The following KCNH5 variants were observed in gnomAD, a reference collection of about 807,000 sequenced individuals.
KCNH5 encodes potassium voltage-gated channel subfamily H member 5.
KCNH5 carries 46 observed loss-of-function variants against 96.1 expected under a neutral mutation model. That is an observed-to-expected ratio of 0.48 (90% CI 0.38 to 0.61). The LOEUF (loss-of-function observed/expected upper bound fraction) is 0.61, where lower values mean the gene tolerates loss of function less well. Among genes scored for constraint, KCNH5 ranks in the 20% least tolerant of loss-of-function variants. The pLI is 0.00. For synonymous variants in KCNH5, 439 were observed against 449.8 expected (o/e 0.98, Z 0.30); for missense variants, 907 against 1,225.8 (o/e 0.74, Z 3.88).
At chr14:62,792,652 T>A (rs1309515580) in intron 9 of KCNH5, among the ~76,000 whole-genome samples, 3 of 151,666 alleles carry the variant, frequency 2.0e-5, no homozygotes, top group African/African-American at 4.8e-5. Context: ...ACGATATCGT[T>A]CATATTATAA....
At chr14:62,840,099 A>G (rs1054648642) in intron 8 of KCNH5, among the ~76,000 whole-genome samples, 1 of 152,290 alleles carries the variant, frequency 6.6e-6, no homozygotes, top group Middle Eastern at 3.4e-3. Flanking sequence ...TTATCACTCT[A>G]TAGCAAGGAC....
At chr14:62,921,414 A>G (rs1201232234) in intron 7 of KCNH5, among the ~76,000 whole-genome samples, 1 of 152,132 alleles carries the variant, frequency 6.6e-6, no homozygotes, top group African/African-American at 2.4e-5. Flanking sequence ...CTGAATGCAT[A>G]ATGTCTAACA....
At chr14:62,933,752 A>G (rs554617522) in intron 7 of KCNH5, among the ~76,000 whole-genome samples, 20 of 152,318 alleles carry the variant, frequency 1.3e-4, no homozygotes, top group African/African-American at 4.8e-4. Flanking sequence ...GGTTCTTTAA[A>G]CTACATGTAT....
At chr14:62,752,257 A>G (rs1423251310) in intron 10 of KCNH5, among the ~76,000 whole-genome samples, 1 of 152,078 alleles carries the variant, frequency 6.6e-6, no homozygotes, top group Non-Finnish European at 1.5e-5. Flanking sequence ...CTTCCACTGT[A>G]CAACACAGAG....
chr14:63,014,124 T>C (rs1891280244), intron 2 of KCNH5, among the ~76,000 whole-genome samples: 1 of 152,132 alleles, frequency 6.6e-6, no homozygotes, highest in African/African-American at 2.4e-5. Context: ...ATTAAGAACA[T>C]GATCATTTGA....
At position 62,704,182 on chromosome 14, in the gene KCNH5, C is replaced by T. The variant is rs551048785; in HGVS notation, c.*3326G>A. On this transcript the variant is annotated 3_prime_UTR_variant, in exon 11 of 11. Coordinates refer to ENST00000322893, the MANE Select transcript of KCNH5 (RefSeq NM_139318.5). ...CATTTTTTCTAGAGCAATTTCAAAC[C>T]CCAGATTTTCCATTTTTTTCTCTGA... 5 of 151,642 alleles carry T rather than the reference C, an allele frequency of 3.3e-5. No individual in the cohort carries two copies. The highest frequency in any genetic ancestry group is 2.1e-4 in the South Asian group (1 of 4,808). The allele number at this position is 151,642 out of a possible 1,614,324, so 9.4% of individuals were successfully genotyped here. A position where few individuals can be genotyped will look rare whatever the true frequency, so the allele number is the denominator to read the frequency against.
intron 7 of KCNH5, among the ~76,000 whole-genome samples, chr14:62,926,418 G>A (rs1248581568): frequency 7.3e-5 from 11 of 151,604 alleles, no homozygotes; most frequent in East Asian, 1.9e-4. Context: ...GCACACACAC[G>A]CACACACACA....
In KCNH5 at chr14:62,997,110, G is replaced by T. The variant is rs114603394; in HGVS notation, c.433+4221C>A. ...ATATGAGATGTTTTGATACAGGCAC[G>T]CAATGCGTTAATAGTCACATCATGG... On this transcript the variant is annotated intron_variant, in intron 4 of 10. Coordinates refer to ENST00000322893, the MANE Select transcript of KCNH5 (RefSeq NM_139318.5). Among the ~76,000 whole-genome samples, 981 of 152,208 alleles carry T rather than the reference G, an allele frequency of 6.4e-3. 9 individuals are homozygous for T. Among genetic ancestry groups the T allele is most frequent in the African/African-American group, 0.022 (918 of 41,534 alleles).
chr14:62,754,544 A>G (rs1315600192), intron 10 of KCNH5, among the ~76,000 whole-genome samples: 4 of 152,060 alleles, frequency 2.6e-5, no homozygotes, highest in East Asian at 3.9e-4. Context: ...ACTAAAAATA[A>G]GGGATAGAAA....
At chr14:62,884,661 T>C (rs372373624) in intron 7 of KCNH5, among the ~76,000 whole-genome samples, 1 of 152,140 alleles carries the variant, frequency 6.6e-6, no homozygotes, top group Admixed American at 6.6e-5. Context: ...AGTCTTTCCA[T>C]GTATACAGCT....
chr14:62,727,319 C>G (rs756002196), intron 10 of KCNH5, among the ~76,000 whole-genome samples: 1 of 151,984 alleles, frequency 6.6e-6, no homozygotes, highest in Non-Finnish European at 1.5e-5. Context: ...GAGCCGAGAT[C>G]ACGCCACTGC....
intron 7 of KCNH5, among the ~76,000 whole-genome samples, chr14:62,855,683 G>A (rs894535053): frequency 6.6e-6 from 1 of 152,096 alleles, no homozygotes; most frequent in Admixed American, 6.5e-5. Flanking sequence ...ATACTCTGAA[G>A]AACAATTTTT....
At chr14:62,843,406 A>G (rs993112620) in intron 8 of KCNH5, among the ~76,000 whole-genome samples, 3 of 137,096 alleles carry the variant, frequency 2.2e-5, no homozygotes, top group Non-Finnish European at 3.1e-5. Context: ...ATATATTTAC[A>G]TGGCTTTTTT....
chr14:62,979,170 C>T (rs560475047), intron 6 of KCNH5, among the ~76,000 whole-genome samples: 1 of 152,130 alleles, frequency 6.6e-6, no homozygotes, highest in East Asian at 1.9e-4. Flanking sequence ...TAACTAAAAT[C>T]TCAATGTATT....
intron 6 of KCNH5, among the ~76,000 whole-genome samples, chr14:62,969,137 A>G (rs572886782): frequency 6.6e-6 from 1 of 152,348 alleles, no homozygotes; most frequent in South Asian, 2.1e-4. Context: ...ACACTTGGAG[A>G]TTAAATAACA....
intron 10 of KCNH5, among the ~76,000 whole-genome samples, chr14:62,717,390 A>G (rs1356521730): frequency 2.0e-5 from 3 of 152,204 alleles, no homozygotes; most frequent in Non-Finnish European, 4.4e-5. Context: ...TAAAATTTAT[A>G]ACAAAACTAC....
intron 6 of KCNH5, among the ~76,000 whole-genome samples, chr14:62,971,227 C>G (rs1408490696): frequency 1.3e-5 from 2 of 152,008 alleles, no homozygotes; most frequent in East Asian, 3.9e-4. Flanking sequence ...CAGCAAGGCA[C>G]AAGTGGAATT....
intron 7 of KCNH5, among the ~76,000 whole-genome samples, chr14:62,923,020 G>A (rs549460006): frequency 1.1e-4 from 16 of 151,718 alleles, no homozygotes; most frequent in Non-Finnish European, 1.9e-4. Flanking sequence ...CTTATATATA[G>A]AAAACCATAA....
chr14:62,770,678 C>T (rs143282625), intron 10 of KCNH5, among the ~76,000 whole-genome samples: 1,757 of 152,232 alleles, frequency 0.012, 29 homozygotes, highest in African/African-American at 0.04. Context: ...AGCAAGAAAA[C>T]CTTGCTGGTA....
Sources: allele counts gnomAD v4.1 joint callset (sites outside exome capture counted in the v4.1 genomes callset), GRCh38; gene constraint gnomAD v4.1.1; transcripts MANE v1.5; gene names NCBI Gene and HGNC (gene_info 2026-07-23, HGNC 2026-07-21).